Variants in SYNPR observed in about 807,000 individuals in gnomAD.
The protein encoded by SYNPR is synaptoporin.
In SYNPR, 23 loss-of-function variants were observed where a neutral mutation model predicts 32.9. The observed-to-expected ratio is 0.70, with a 90% CI of 0.50 to 0.99. The LOEUF is 0.99. SYNPR is among the 50% of genes least tolerant of loss of function. The pLI is 0.00. For synonymous variants in SYNPR, 146 were observed against 135.9 expected, an observed-to-expected ratio of 1.07 and a Z score of -0.52; for missense variants, 318 against 349.3, an observed-to-expected ratio of 0.91 and a Z score of 0.71.
At chr3:63,494,414 T>TATAA (rs1701320580) in intron 3 of SYNPR, among the ~76,000 whole-genome samples, 1 of 84,554 alleles carries the variant, frequency 1.2e-5, no homozygotes. Flanking sequence ...TATATATATA[T>TATAA]ATACGTATAT....
At chr3:63,276,755 A>C (rs1427679275), upstream of SYNPR, among the ~76,000 whole-genome samples, 1 of 152,028 alleles carries the variant, frequency 6.6e-6, no homozygotes, top group African/African-American at 2.4e-5. Flanking sequence ...CAACCAGTCC[A>C]CTGGAGTTCC....
At chr3:63,435,740 C>T (rs1462144128) in intron 2 of SYNPR, among the ~76,000 whole-genome samples, 2 of 152,214 alleles carry the variant, frequency 1.3e-5, no homozygotes, top group Admixed American at 6.5e-5. Context: ...CATCTATATT[C>T]TCACATATAC....
intron 2 of SYNPR, among the ~76,000 whole-genome samples, chr3:63,292,081 T>C (rs1409809728): frequency 1.3e-5 from 2 of 152,204 alleles, no homozygotes; most frequent in East Asian, 3.9e-4. Context: ...ACAATGGTAT[T>C]TGTGTATCTA....
intron 2 of SYNPR, among the ~76,000 whole-genome samples, chr3:63,296,817 C>T (rs2086795315): frequency 6.6e-6 from 1 of 152,016 alleles, no homozygotes; most frequent in African/African-American, 2.4e-5. Flanking sequence ...ATAAATGAAT[C>T]CTAGTGAGGT....
At chr3:63,284,881 T>A (rs2086666083) in intron 2 of SYNPR, among the ~76,000 whole-genome samples, 2 of 152,198 alleles carry the variant, frequency 1.3e-5, no homozygotes, top group Non-Finnish European at 2.9e-5. Context: ...TTTTCTTACA[T>A]CATTGTGTTG....
intron 4 of SYNPR, among the ~76,000 whole-genome samples, chr3:63,574,943 T>G (rs1702951538): frequency 6.6e-6 from 1 of 152,228 alleles, no homozygotes; most frequent in East Asian, 1.9e-4. Flanking sequence ...TTTGAAAGTG[T>G]GGGCGAGCAC....
chr3:63,202,548 T>C, the SYNPR span, among the ~76,000 whole-genome samples: 1 of 151,994 alleles, frequency 6.6e-6, no homozygotes, highest in Non-Finnish European at 1.5e-5. Flanking sequence ...AACTAAATAT[T>C]GGGTAGAATT....
At chr3:63,442,971 T>TA (rs1016524426) in intron 2 of SYNPR, 17 of 973,826 alleles carry the variant, frequency 1.7e-5, no homozygotes, top group Non-Finnish European at 1.7e-5. Flanking sequence ...ATTCTGGCTT[T>TA]AAAAAAATCT....
intron 2 of SYNPR, among the ~76,000 whole-genome samples, chr3:63,351,068 G>A (rs146221738): frequency 1.2e-4 from 18 of 151,998 alleles, no homozygotes; most frequent in African/African-American, 2.4e-4. Context: ...TCCTATTTAC[G>A]TAGTAGACTG....
intron 1 of SYNPR, among the ~76,000 whole-genome samples, chr3:63,233,010 T>A: frequency 6.6e-6 from 1 of 152,186 alleles, no homozygotes; most frequent in East Asian, 1.9e-4. Context: ...CTTTACTAAT[T>A]TCATCTGAAA....
chr3:63,584,668 G>T (rs11709528), intron 4 of SYNPR, among the ~76,000 whole-genome samples: 41,270 of 151,916 alleles, frequency 0.27, 6,019 homozygotes, highest in South Asian at 0.44. Context: ...GCCTGGTATA[G>T]AAAAATTACC....
At chr3:63,611,111 A>G (rs1700191192) in intron 5 of SYNPR, among the ~76,000 whole-genome samples, 1 of 152,200 alleles carries the variant, frequency 6.6e-6, no homozygotes, top group African/African-American at 2.4e-5. Flanking sequence ...GTTTGTATGC[A>G]TTAGAATAAT....
intron 3 of SYNPR, among the ~76,000 whole-genome samples, chr3:63,491,391 C>T (rs1701254909): frequency 6.6e-6 from 1 of 152,078 alleles, no homozygotes; most frequent in African/African-American, 2.4e-5. Flanking sequence ...GGAGGGAAGA[C>T]ACCCCTAAGG....
chr3:63,416,222 C>T (rs1243606865), intron 2 of SYNPR, among the ~76,000 whole-genome samples: 1 of 152,136 alleles, frequency 6.6e-6, no homozygotes, highest in Admixed American at 6.6e-5. Flanking sequence ...AACACCCATA[C>T]ACAGAATCTG....
chr3:63,542,709 A>G lies in SYNPR; in HGVS notation c.210-13834A>G, dbSNP rs1233569139. 2.0e-5 allele frequency among the ~76,000 whole-genome samples: 3 copies of G among 152,158 alleles called. No individual in the cohort carries two copies. In the East Asian group the frequency reaches 5.8e-4, roughly 29 times the overall value. On this transcript the variant is annotated intron_variant, in intron 3 of 5. Transcript: ENST00000478300. ...ATTTTATTCAGTACTCACTGAGGACAGAGAGCACCTGCCATATACTTTTTG... is the reference window on the plus strand; with the variant it reads ...ATTTTATTCAGTACTCACTGAGGACGGAGAGCACCTGCCATATACTTTTTG...
intron 3 of SYNPR, among the ~76,000 whole-genome samples, chr3:63,546,159 T>A (rs1416394827): frequency 6.6e-6 from 1 of 152,086 alleles, no homozygotes; most frequent in Non-Finnish European, 1.5e-5. Context: ...GCAGTCTGAG[T>A]TCTCTATTAC....
chr3:63,418,076 A>G (rs748620136), intron 2 of SYNPR, among the ~76,000 whole-genome samples: 1 of 152,154 alleles, frequency 6.6e-6, no homozygotes, highest in Non-Finnish European at 1.5e-5. Flanking sequence ...CCAAACGTTT[A>G]TGCTCTGCTT....
intron 2 of SYNPR, among the ~76,000 whole-genome samples, chr3:63,382,336 G>C (rs1299692801): frequency 6.6e-6 from 1 of 152,208 alleles, no homozygotes; most frequent in Non-Finnish European, 1.5e-5. Flanking sequence ...TGGATTTGGA[G>C]GTGAGAGTGA....
At chr3:63,527,096 T>C (rs949277477) in intron 3 of SYNPR, among the ~76,000 whole-genome samples, 1 of 152,188 alleles carries the variant, frequency 6.6e-6, no homozygotes, top group South Asian at 2.1e-4. Flanking sequence ...ACAATTTGAA[T>C]AGGCAGAAAT....
Sources: gnomAD v4.1 joint callset for allele counts (sites outside exome capture counted in the v4.1 genomes callset) on GRCh38, gnomAD v4.1.1 for gene constraint, MANE v1.5 for transcripts, NCBI Gene and HGNC (gene_info 2026-07-23, HGNC 2026-07-21) for gene names.